Variants in ATP9A observed in about 807,000 individuals in gnomAD.
ATP9A encodes ATPase phospholipid transporting 9A.
ATP9A carries 52 observed loss-of-function variants against 144.1 expected under a neutral mutation model. That is an observed-to-expected ratio of 0.36 (90% CI 0.29 to 0.45). The LOEUF (loss-of-function observed/expected upper bound fraction) is 0.45, where lower values mean the gene tolerates loss of function less well. Ranked by LOEUF, ATP9A falls within the 20% of genes least tolerant of loss-of-function variation. ATP9A has a pLI of 1.00. For missense variants in ATP9A, 947 were observed against 1,392.7 expected (o/e 0.68, Z 5.09); for synonymous variants, 582 against 557.4 (o/e 1.04, Z -0.62).
chr20:51,630,992 C>G (rs2077267602), intron 15 of ATP9A, among the ~76,000 whole-genome samples: 1 of 152,118 alleles, frequency 6.6e-6, no homozygotes, highest in South Asian at 2.1e-4. Context: ...CCGCCCAAAA[C>G]TACACTTCTG....
chr20:51,762,705 CTTTT>C (rs34209501), intron 1 of ATP9A, among the ~76,000 whole-genome samples: 9 of 84,500 alleles, frequency 1.1e-4, no homozygotes, highest in Non-Finnish European at 1.7e-4. Flanking sequence ...CCACAAATGG[CTTTT>C]TTTTTTTTTT....
At chr20:51,746,423 G>A (rs536060385) in intron 1 of ATP9A, among the ~76,000 whole-genome samples, 7 of 152,336 alleles carry the variant, frequency 4.6e-5, no homozygotes, top group African/African-American at 1.7e-4. Context: ...AGGAGGCTGG[G>A]CACGGTGGCT....
intron 18 of ATP9A, among the ~76,000 whole-genome samples, chr20:51,622,408 T>C (rs1209651269): frequency 6.6e-6 from 1 of 152,192 alleles, no homozygotes; most frequent in East Asian, 1.9e-4. Flanking sequence ...AAAGGGCCAT[T>C]TGGCCACACA....
Position 51,702,918 on chromosome 20 carries a change from T to C in ATP9A, c.437-5436A>G, listed in dbSNP as rs114520609. Among the ~76,000 whole-genome samples, 1,277 of 152,256 alleles carry C rather than the reference T, an allele frequency of 8.4e-3. 17 individuals are homozygous for C. The highest frequency in any genetic ancestry group is 0.029 in the African/African-American group (1,195 of 41,556). On this transcript the variant is annotated intron_variant, in intron 4 of 27. Coordinates refer to ENST00000338821, the MANE Select transcript of ATP9A (RefSeq NM_006045.3). ...AAAAGGGCAGGAACTCTCCCTACAA[T>C]TGATCTGACAGAAAAGAAAATGCCC... is the stretch of plus-strand genomic sequence containing the variant.
chr20:51,671,023 A>G (rs2077453444), intron 12 of ATP9A, 92 bp downstream of exon 12: 16 of 1,412,012 alleles, frequency 1.1e-5, no homozygotes, highest in Admixed American at 1.8e-5. Flanking sequence ...CGCATCTCTC[A>G]TATGTCCAGA....
At position 51,600,354 on chromosome 20, in the gene ATP9A, G is replaced by A. The variant is rs373256658; in HGVS notation, c.*857C>T. ...CTTATCACACTGTCGACACATTTAG[G>A]GGCCATTCAGTGGCACGTTTCCTGC... On this transcript the variant is annotated 3_prime_UTR_variant, in exon 28 of 28. Transcript: ENST00000338821. 5.9e-5 allele frequency: 9 copies of A among 152,252 alleles called. No individual in the cohort carries two copies. In the East Asian group the frequency reaches 1.7e-3, roughly 29 times the overall value. 9.4% of individuals were successfully genotyped at this position (152,252 alleles called of 1,614,324 possible).
At chr20:51,746,865 G>A (rs557624670) in intron 1 of ATP9A, among the ~76,000 whole-genome samples, 1 of 151,948 alleles carries the variant, frequency 6.6e-6, no homozygotes, top group Admixed American at 6.6e-5. Context: ...AATCAATCAG[G>A]TGTGGTGGCG....
intron 14 of ATP9A, among the ~76,000 whole-genome samples, chr20:51,656,434 T>A (rs549729256): frequency 2.6e-5 from 4 of 152,120 alleles, no homozygotes; most frequent in African/African-American, 9.6e-5. Context: ...GTGCCTGTAA[T>A]CCCAGCTATT....
At chr20:51,718,999 G>A (rs1323363464) in intron 3 of ATP9A, among the ~76,000 whole-genome samples, 5 of 150,954 alleles carry the variant, frequency 3.3e-5, no homozygotes, top group East Asian at 1.9e-4. Context: ...GTGGTGGTGC[G>A]CGCCTGTAGT....
At chr20:51,680,058 C>T (rs1167670612) in intron 9 of ATP9A, among the ~76,000 whole-genome samples, 2 of 151,754 alleles carry the variant, frequency 1.3e-5, no homozygotes, top group Non-Finnish European at 2.9e-5. Context: ...GGTGAAATCC[C>T]GTCTCCACTA....
chr20:51,767,856 A>T (rs1463057798), intron 1 of ATP9A, among the ~76,000 whole-genome samples: 1 of 152,192 alleles, frequency 6.6e-6, no homozygotes, highest in Non-Finnish European at 1.5e-5. Flanking sequence ...GCGCCCCCCT[A>T]AAAGCTGAGC....
chr20:51,627,180 A>T (rs112494003), intron 17 of ATP9A, among the ~76,000 whole-genome samples: 3,648 of 152,290 alleles, frequency 0.024, 153 homozygotes, highest in African/African-American at 0.082. Flanking sequence ...GTTAAAAAAA[A>T]ATATATGAAC....
At chr20:51,745,934 C>G (rs189011287) in intron 1 of ATP9A, among the ~76,000 whole-genome samples, 67 of 152,272 alleles carry the variant, frequency 4.4e-4, no homozygotes, top group Non-Finnish European at 6.3e-4. Context: ...AACCTAAATG[C>G]CCATCAAAGA....
At chr20:51,767,504 G>A (rs778583515) in intron 1 of ATP9A, among the ~76,000 whole-genome samples, 5 of 151,400 alleles carry the variant, frequency 3.3e-5, no homozygotes, top group Non-Finnish European at 7.4e-5. Context: ...ACAGGAAGAC[G>A]GCGAGGCGCA....
At chr20:51,734,714 C>A (rs994317868) in intron 1 of ATP9A, 21 of 182,810 alleles carry the variant, frequency 1.1e-4, no homozygotes, top group Non-Finnish European at 2.4e-4. Context: ...AGTGGGTGAA[C>A]CCCAAGTTCC....
intron 18 of ATP9A, among the ~76,000 whole-genome samples, chr20:51,624,435 C>T (rs115985101): frequency 0.02 from 3,028 of 152,238 alleles, 105 homozygotes; most frequent in African/African-American, 0.068. Flanking sequence ...CTGCTGGCCC[C>T]TCCAGATTCA....
At chr20:51,723,746 A>G (rs2077700082) in intron 3 of ATP9A, among the ~76,000 whole-genome samples, 1 of 151,730 alleles carries the variant, frequency 6.6e-6, no homozygotes, top group African/African-American at 2.4e-5. Context: ...TAATAGAGAC[A>G]GGGTTTCACC....
intron 3 of ATP9A, among the ~76,000 whole-genome samples, chr20:51,718,992 G>A (rs965303974): frequency 6.6e-6 from 1 of 151,628 alleles, no homozygotes; most frequent in Non-Finnish European, 1.5e-5. Context: ...GCTGGGCGTG[G>A]TGGTGCGCGC....
chr20:51,664,805 C>A (rs761827529), intron 13 of ATP9A, among the ~76,000 whole-genome samples: 55 of 151,892 alleles, frequency 3.6e-4, no homozygotes, highest in Non-Finnish European at 7.1e-4. Context: ...CTTCAACCTC[C>A]ACCTGCCGGG....
Sources: gnomAD v4.1 joint callset for allele counts (sites outside exome capture counted in the v4.1 genomes callset) on GRCh38, gnomAD v4.1.1 for gene constraint, MANE v1.5 for transcripts, NCBI Gene and HGNC (gene_info 2026-07-23, HGNC 2026-07-21) for gene names.